The following KLHL13 variants were observed in gnomAD, a reference collection of about 807,000 sequenced individuals.
KLHL13 encodes kelch like family member 13.
Under a neutral mutation model 37.1 loss-of-function variants are expected in KLHL13, and 10 were observed. That is an observed-to-expected ratio of 0.27 (90% CI 0.17 to 0.46). The LOEUF is 0.46. Among genes scored for constraint, KLHL13 ranks in the 20% least tolerant of loss-of-function variants. The pLI, the probability that KLHL13 is intolerant of heterozygous loss-of-function variation, is 1.00. For synonymous variants in KLHL13, 163 were observed against 181.2 expected (o/e 0.90, Z 0.81); for missense variants, 360 against 509.3 (o/e 0.71, Z 2.82).
chrX:118,007,370 C>CAAAAAAAA (rs57382655), intron 1 of KLHL13, among the ~76,000 whole-genome samples: 1 of 46,612 alleles, frequency 2.1e-5, no homozygotes, highest in Non-Finnish European at 4.7e-5. Context: ...GAGACCCTGT[C>CAAAAAAAA]AAAAAAAAAA....
At chrX:117,920,149 C>A in intron 3 of KLHL13, 89 bp downstream of exon 4, 1 of 995,359 alleles carries the variant, frequency 1.0e-6, no homozygotes, top group Non-Finnish European at 1.4e-6. Context: ...TCCAAAAGAA[C>A]CAAATTTCAT....
chrX:118,046,161 G>T (rs1461395022), intron 1 of KLHL13, among the ~76,000 whole-genome samples: 1 of 112,432 alleles, frequency 8.9e-6, no homozygotes, highest in Admixed American at 9.4e-5. Context: ...ACAGATGAAT[G>T]GATAAAGAAG....
chrX:118,016,246 C>A (rs2054127668), intron 1 of KLHL13, among the ~76,000 whole-genome samples: 1 of 111,638 alleles, frequency 9.0e-6, no homozygotes, highest in Admixed American at 9.5e-5. Context: ...TATTTTTAAA[C>A]ATGGAATGAC....
intron 1 of KLHL13, among the ~76,000 whole-genome samples, chrX:118,038,402 T>C (rs2054473025): frequency 8.9e-6 from 1 of 111,896 alleles, no homozygotes; most frequent in South Asian, 3.8e-4. Flanking sequence ...GCCCTGAAGA[T>C]TGTAGGATAT....
chrX:117,967,730 T>C (rs188548638), intron 1 of KLHL13, among the ~76,000 whole-genome samples: 18 of 112,083 alleles, frequency 1.6e-4, no homozygotes, highest in Admixed American at 1.3e-3. Context: ...TATTAAATGA[T>C]TTCAAGAGGT....
At position 117,941,358 on chromosome X, in the gene KLHL13, G is replaced by C. The variant is rs138663683; in HGVS notation, c.240+4076C>G. On this transcript the variant is annotated intron_variant, in intron 2 of 6. Coordinates refer to ENST00000262820, the Ensembl canonical transcript of KLHL13. ...GGATGATGCTGGCCTCATAAAAAGA[G>C]TTAGGGAATATTCCATCTTTTTCTA... 3.8e-3 allele frequency among the ~76,000 whole-genome samples: 427 copies of C among 111,953 alleles called. 3 individuals are homozygous for C. The highest frequency in any genetic ancestry group is 0.012 in the African/African-American group (359 of 30,833).
intron 1 of KLHL13, among the ~76,000 whole-genome samples, chrX:117,948,311 A>T (rs1380744574): frequency 8.9e-6 from 1 of 112,156 alleles, no homozygotes; most frequent in Non-Finnish European, 1.9e-5. Context: ...GCAATATGAA[A>T]CACAGCAGGA....
At chrX:118,031,894 C>T (rs968843044) in intron 1 of KLHL13, among the ~76,000 whole-genome samples, 22 of 108,848 alleles carry the variant, frequency 2.0e-4, no homozygotes, top group African/African-American at 4.0e-4. Flanking sequence ...GCACCGTGCG[C>T]GAGCCGAAGC....
At chrX:118,091,520 C>T (rs2055134521) in intron 1 of KLHL13, among the ~76,000 whole-genome samples, 1 of 110,878 alleles carries the variant, frequency 9.0e-6, no homozygotes, top group Non-Finnish European at 1.9e-5. Context: ...CAGATAGGCT[C>T]AACAGCAGAA....
intron 1 of KLHL13, among the ~76,000 whole-genome samples, chrX:118,097,154 T>C (rs1313306536): frequency 9.0e-6 from 1 of 111,551 alleles, no homozygotes; most frequent in Non-Finnish European, 1.9e-5. Flanking sequence ...TGTTTGCAGA[T>C]GACATGATTA....
intron 1 of KLHL13, among the ~76,000 whole-genome samples, chrX:117,971,797 T>C (rs2053527260): frequency 9.0e-6 from 1 of 111,612 alleles, no homozygotes; most frequent in South Asian, 3.7e-4. Flanking sequence ...AAATACACAA[T>C]TAAACTAAGG....
At chrX:118,056,187 C>G (rs1354856980) in intron 1 of KLHL13, among the ~76,000 whole-genome samples, 2 of 111,603 alleles carry the variant, frequency 1.8e-5, no homozygotes, top group Non-Finnish European at 3.8e-5. Flanking sequence ...AATAAACAAT[C>G]TGAAAACGAA....
At chrX:118,032,556 A>G (rs926180000) in intron 1 of KLHL13, among the ~76,000 whole-genome samples, 6 of 112,127 alleles carry the variant, frequency 5.4e-5, no homozygotes, top group African/African-American at 1.9e-4. Flanking sequence ...AAAACTAACA[A>G]ACAGAAAGGA....
intron 1 of KLHL13, chrX:117,985,357 G>A: frequency 9.2e-7 from 1 of 1,089,390 alleles, no homozygotes; most frequent in East Asian, 3.4e-5. Flanking sequence ...GCACAGCTAG[G>A]CTCTGCTACA....
chrX:117,940,235 A>G (rs1932948031), intron 2 of KLHL13, among the ~76,000 whole-genome samples: 1 of 111,956 alleles, frequency 8.9e-6, no homozygotes, highest in African/African-American at 3.3e-5. Context: ...CAGGTTGGGC[A>G]AAGATCAGAT....
chrX:118,106,978 T>C (rs2055354337), intron 1 of KLHL13, among the ~76,000 whole-genome samples: 1 of 112,060 alleles, frequency 8.9e-6, no homozygotes, highest in Admixed American at 9.5e-5. Context: ...ACAACAGAAT[T>C]ATACCTCTTC....
rs12846426 is a variant in KLHL13 at position 117,919,212 on chromosome X, C to T, written c.570+309G>A. 7.0e-3 allele frequency among the ~76,000 whole-genome samples: 781 copies of T among 111,806 alleles called. 10 individuals carry two copies. Among genetic ancestry groups the T allele is most frequent in the African/African-American group, 0.024 (735 of 30,785 alleles). ...CTAATTTTTGTATTTTTAGTAGAGA[C>T]GGGCTTTCTCCATGTTGGTCAGGCT... On this transcript the variant is annotated intron_variant, in intron 4 of 6. Coordinates refer to ENST00000262820, the Ensembl canonical transcript of KLHL13.
intron 5 of KLHL13, among the ~76,000 whole-genome samples, chrX:117,905,629 A>G (rs949149892): frequency 9.1e-6 from 1 of 110,471 alleles, no homozygotes; most frequent in Non-Finnish European, 1.9e-5. Flanking sequence ...AGTGATCTAA[A>G]CTGTCTTGCA....
chrX:118,014,327 G>T (rs2054102743), intron 1 of KLHL13, among the ~76,000 whole-genome samples: 1 of 111,658 alleles, frequency 9.0e-6, no homozygotes, highest in East Asian at 2.8e-4. Context: ...TGTCTTATGG[G>T]TTTGAGATAA....
Sources: allele counts gnomAD v4.1 joint callset (sites outside exome capture counted in the v4.1 genomes callset), GRCh38; gene constraint gnomAD v4.1.1; transcripts MANE v1.5; gene names NCBI Gene and HGNC (gene_info 2026-07-23, HGNC 2026-07-21).